Variants in SLC35D4 observed in about 807,000 individuals in gnomAD.
The protein encoded by SLC35D4 is solute carrier family 35 member D4, also known as UDP-N-acetylglucosamine transporter SLC35D4.
the SLC35D4 span, among the ~76,000 whole-genome samples, chr18:23,395,399 C>T: frequency 3.3e-5 from 5 of 152,202 alleles, no homozygotes; most frequent in Admixed American, 3.3e-4. Flanking sequence ...ATCCCATCTC[C>T]ATCCCCAGTA....
chr18:23,242,062 G>A, the SLC35D4 span, among the ~76,000 whole-genome samples: 1 of 152,126 alleles, frequency 6.6e-6, no homozygotes, highest in Non-Finnish European at 1.5e-5. Context: ...GATCACCTGA[G>A]GTCAGGAGTT....
the SLC35D4 span, among the ~76,000 whole-genome samples, chr18:23,299,100 A>G: frequency 6.6e-6 from 1 of 152,218 alleles, no homozygotes; most frequent in Non-Finnish European, 1.5e-5. Context: ...GTGAGAATAT[A>G]AAAACCATAT....
chr18:23,383,283 C>G, the SLC35D4 span, among the ~76,000 whole-genome samples: 8 of 151,646 alleles, frequency 5.3e-5, no homozygotes, highest in Non-Finnish European at 1.0e-4. Context: ...GACAGAGGCT[C>G]CTAAGAAACA....
At chr18:23,357,792 T>A in the SLC35D4 span, among the ~76,000 whole-genome samples, 1 of 152,220 alleles carries the variant, frequency 6.6e-6, no homozygotes, top group Admixed American at 6.5e-5. Flanking sequence ...GAGGGCTTTT[T>A]AAAATTATGA....
chr18:23,378,546 T>C, the SLC35D4 span, among the ~76,000 whole-genome samples: 76 of 152,334 alleles, frequency 5.0e-4, 2 homozygotes, highest in African/African-American at 1.7e-3. Flanking sequence ...AATGAAGACA[T>C]TCTGATTTGG....
At chr18:23,347,571 A>T in the SLC35D4 span, among the ~76,000 whole-genome samples, 1 of 152,240 alleles carries the variant, frequency 6.6e-6, no homozygotes, top group Admixed American at 6.5e-5. Flanking sequence ...GGTATGTGAC[A>T]CCATGTTCAG....
the SLC35D4 span, among the ~76,000 whole-genome samples, chr18:23,425,734 G>C: frequency 6.6e-6 from 1 of 152,128 alleles, no homozygotes; most frequent in South Asian, 2.1e-4. Flanking sequence ...TCAAACAATT[G>C]TAAGTCCAAC....
the SLC35D4 span, among the ~76,000 whole-genome samples, chr18:23,256,869 C>T: frequency 6.6e-6 from 1 of 152,234 alleles, no homozygotes; most frequent in Non-Finnish European, 1.5e-5. Flanking sequence ...ACTCTTAGTG[C>T]TGCAATTGGC....
At chr18:23,437,787 C>T in the SLC35D4 span, 1 of 1,611,280 alleles carries the variant, frequency 6.2e-7, no homozygotes, top group Non-Finnish European at 8.5e-7. Context: ...TCACCTTGTT[C>T]GTGAGGTAAG....
chr18:23,411,077 G>A, the SLC35D4 span, among the ~76,000 whole-genome samples: 1 of 151,686 alleles, frequency 6.6e-6, no homozygotes, highest in African/African-American at 2.4e-5. Context: ...TGGTCCTGGT[G>A]GGATCTCAGG....
chr18:23,390,240 T>C, the SLC35D4 span, among the ~76,000 whole-genome samples: 1 of 152,162 alleles, frequency 6.6e-6, no homozygotes, highest in African/African-American at 2.4e-5. Context: ...ATGATCTAGA[T>C]ATCTGCTAAA....
chr18:23,254,048 G>A, the SLC35D4 span: 1 of 842,176 alleles, frequency 1.2e-6, no homozygotes, highest in Non-Finnish European at 1.9e-6. Flanking sequence ...TCCTTAGTCA[G>A]CAATTGAGGT....
the SLC35D4 span, among the ~76,000 whole-genome samples, chr18:23,426,001 A>T: frequency 3.9e-5 from 6 of 152,214 alleles, no homozygotes; most frequent in Non-Finnish European, 7.4e-5. Context: ...ATAAGGCAAA[A>T]GGAAGGATTA....
At chr18:23,405,780 T>C in the SLC35D4 span, among the ~76,000 whole-genome samples, 1 of 152,152 alleles carries the variant, frequency 6.6e-6, no homozygotes. Flanking sequence ...TTGACACTTA[T>C]TCCTGCTGCT....
chr18:23,323,316 C>T, the SLC35D4 span, among the ~76,000 whole-genome samples: 1 of 152,280 alleles, frequency 6.6e-6, no homozygotes, highest in Admixed American at 6.5e-5. Context: ...AATAGATCTG[C>T]CAAAAGAGAA....
the SLC35D4 span, among the ~76,000 whole-genome samples, chr18:23,301,268 A>G: frequency 6.6e-6 from 1 of 152,198 alleles, no homozygotes; most frequent in Non-Finnish European, 1.5e-5. Context: ...AACGTTATTG[A>G]GAAGGCCCTT....
chr18:23,320,322 T>C, the SLC35D4 span, among the ~76,000 whole-genome samples: 3 of 152,360 alleles, frequency 2.0e-5, no homozygotes, highest in Non-Finnish European at 4.4e-5. Context: ...ATTTCAGATG[T>C]ATTTTTCAGT....
chr18:23,365,711 C>T, the SLC35D4 span: 1 of 1,605,412 alleles, frequency 6.2e-7, no homozygotes, highest in African/African-American at 1.3e-5. Context: ...TTCCCCGGCA[C>T]CAAAAACCCC....
the SLC35D4 span, among the ~76,000 whole-genome samples, chr18:23,403,899 C>T: frequency 1.3e-5 from 2 of 152,142 alleles, no homozygotes; most frequent in African/African-American, 2.4e-5. Flanking sequence ...GCGGGCAGAT[C>T]ACGAGGTCAG....
Sources: allele counts gnomAD v4.1 joint callset (sites outside exome capture counted in the v4.1 genomes callset), GRCh38; gene constraint gnomAD v4.1.1; transcripts MANE v1.5; gene names NCBI Gene and HGNC (gene_info 2026-07-23, HGNC 2026-07-21).